Variants in SDK1 observed in about 807,000 individuals in gnomAD.
SDK1 encodes the protein protein sidekick-1.
In SDK1, 157 loss-of-function variants were observed where a neutral mutation model predicts 245.5. The ratio of observed to expected loss-of-function variants is 0.64; its 90% CI spans 0.56 to 0.73. The LOEUF is 0.73. Ranked by LOEUF, SDK1 falls within the 30% of genes least tolerant of loss-of-function variation. The pLI, the probability that SDK1 is intolerant of heterozygous loss-of-function variation, is 0.00. For missense variants in SDK1, 3,583 were observed against 3,002.3 expected (o/e 1.19, Z -4.52); for synonymous variants, 1,647 against 1,278.5 (o/e 1.29, Z -6.15).
At chr7:3,585,736 C>A (rs781644402) in intron 1 of SDK1, among the ~76,000 whole-genome samples, 114 of 152,236 alleles carry the variant, frequency 7.5e-4, no homozygotes, top group Non-Finnish European at 1.4e-3. Flanking sequence ...GACAGTACAT[C>A]AGGATTGAGC....
Position 3,401,375 on chromosome 7 carries a change from A to T in SDK1, c.298+99491A>T, listed in dbSNP as rs893807403. The stretch of plus-strand genomic sequence containing the variant: ...TTCCTGTTTACTGTGTGACAAGAGC[A>T]TTATGGGGCCTTGAAAATGGCAGTG... On this transcript the variant is annotated intron_variant, in intron 1 of 44. Transcript: ENST00000404826. 1.6e-4 allele frequency among the ~76,000 whole-genome samples: 24 copies of T among 152,224 alleles called. 1 individual carries two copies. The highest frequency in any genetic ancestry group is 5.5e-4 in the African/African-American group (23 of 41,466).
Position 3,635,279 on chromosome 7 carries a change from C to G in SDK1, c.459-3725C>G, listed in dbSNP as rs1398894875. On this transcript the variant is annotated intron_variant, in intron 2 of 44. Transcript: ENST00000404826. ...ATTAAAACTCAACAATATTTTTTCTCTTTATAAAAGATTTTATTAATCCTT... is the reference window on the plus strand; with the variant it reads ...ATTAAAACTCAACAATATTTTTTCTGTTTATAAAAGATTTTATTAATCCTT... Among the ~76,000 whole-genome samples the G allele has an allele frequency of 3.3e-5, 5 of 152,108 alleles. No homozygotes were observed. In the East Asian group the frequency reaches 7.7e-4, roughly 23 times the overall value.
chr7:3,827,263 G>C (rs1779798960), intron 5 of SDK1, among the ~76,000 whole-genome samples: 1 of 152,134 alleles, frequency 6.6e-6, no homozygotes, highest in Non-Finnish European at 1.5e-5. Context: ...GCGTAGGCAG[G>C]CATGTAAAAT....
intron 2 of SDK1, among the ~76,000 whole-genome samples, chr7:3,624,043 A>G (rs763897962): frequency 1.3e-5 from 2 of 152,212 alleles, no homozygotes; most frequent in Non-Finnish European, 2.9e-5. Context: ...AAGTTTTATA[A>G]GAAATGAGTA....
intron 12 of SDK1, 108 bp downstream of exon 12, chr7:3,971,676 C>T (rs1423796824): frequency 1.1e-5 from 9 of 810,444 alleles, no homozygotes; most frequent in Non-Finnish European, 1.9e-5. Context: ...ATTTCAGCAG[C>T]AGGTCCCTGA....
intron 36 of SDK1, among the ~76,000 whole-genome samples, chr7:4,207,735 CAACA>C (rs1784304993): frequency 1.3e-5 from 2 of 152,058 alleles, no homozygotes; most frequent in East Asian, 3.9e-4. Flanking sequence ...ATCAAAACAC[CAACA>C]GAGCTAGGTC....
At chr7:4,198,551 A>G (rs574009340) in intron 35 of SDK1, among the ~76,000 whole-genome samples, 3 of 152,256 alleles carry the variant, frequency 2.0e-5, no homozygotes, top group African/African-American at 7.2e-5. Flanking sequence ...TTTTATTGGA[A>G]CACCGCCACA....
chr7:4,092,947 C>T (rs754278736), intron 22 of SDK1, among the ~76,000 whole-genome samples: 4 of 152,202 alleles, frequency 2.6e-5, no homozygotes, highest in African/African-American at 9.6e-5. Flanking sequence ...TCAATTGTAT[C>T]TTCTTTGCAG....
At chr7:3,479,064 A>T (rs1215778316) in intron 1 of SDK1, among the ~76,000 whole-genome samples, 1 of 152,108 alleles carries the variant, frequency 6.6e-6, no homozygotes, top group Admixed American at 6.5e-5. Context: ...ACTTGTTGAG[A>T]CTGACTTCAT....
At chr7:3,617,748 A>G (rs1407107325) in intron 1 of SDK1, among the ~76,000 whole-genome samples, 2 of 152,156 alleles carry the variant, frequency 1.3e-5, no homozygotes, top group African/African-American at 4.8e-5. Flanking sequence ...ACTCCCTCCC[A>G]CAGTATCAGC....
intron 17 of SDK1, among the ~76,000 whole-genome samples, chr7:4,028,989 G>GCCAT (rs910578676): frequency 6.6e-5 from 10 of 152,004 alleles, no homozygotes; most frequent in African/African-American, 2.4e-4. Context: ...TTCCCAGGAA[G>GCCAT]CCATCACCAG....
rs554212816 is a variant in SDK1, at chr7:3,339,960, G to T, written c.298+38076G>T. ...AATGAAATTTAGCAAGACTGACACA[G>T]ATAAAAAGGAATAAGACCCAAATCA... On this transcript the variant is annotated intron_variant, in intron 1 of 44. Coordinates refer to ENST00000404826, the MANE Select transcript of SDK1 (RefSeq NM_152744.4). Among the ~76,000 whole-genome samples the T allele has an allele frequency of 3.9e-5, 6 of 152,110 alleles. 1 individual carries two copies. Among genetic ancestry groups the T allele is most frequent in the Admixed American group, 3.9e-4 (6 of 15,284 alleles).
intron 8 of SDK1, 79 bp downstream of exon 8, chr7:3,959,093 A>G (rs1781477296): frequency 1.8e-6 from 2 of 1,096,186 alleles, no homozygotes; most frequent in Admixed American, 1.7e-5. Context: ...CAGAATTGCC[A>G]TCATTCTAGG....
chr7:3,543,064 G>C (rs1779102395), intron 1 of SDK1, among the ~76,000 whole-genome samples: 1 of 152,142 alleles, frequency 6.6e-6, no homozygotes, highest in Non-Finnish European at 1.5e-5. Context: ...GACAAGCTTA[G>C]GCATAATTCC....
intron 34 of SDK1, among the ~76,000 whole-genome samples, chr7:4,176,650 T>C (rs1322212654): frequency 2.6e-5 from 4 of 152,228 alleles, no homozygotes; most frequent in Admixed American, 6.5e-5. Context: ...TAATTCGTTA[T>C]ACCCCTCCCC....
intron 35 of SDK1, among the ~76,000 whole-genome samples, chr7:4,202,663 A>G (rs937816834): frequency 2.0e-5 from 3 of 152,214 alleles, no homozygotes; most frequent in Admixed American, 6.5e-5. Flanking sequence ...AATGAGCATC[A>G]TTCTCCCTGC....
chr7:3,916,816 T>G (rs1236530561), intron 5 of SDK1, among the ~76,000 whole-genome samples: 2 of 152,350 alleles, frequency 1.3e-5, no homozygotes, highest in South Asian at 4.1e-4. Context: ...AATTGTAGAT[T>G]ATTAATTGAT....
At chr7:3,321,719 TC>T (rs1219714599) in intron 1 of SDK1, among the ~76,000 whole-genome samples, 360 of 19,784 alleles carry the variant, frequency 0.018, 6 homozygotes, top group Non-Finnish European at 0.024. Context: ...CCCCTCCCTC[TC>T]CCCTCTCCCT....
At chr7:3,417,026 T>A (rs529645584) in intron 1 of SDK1, among the ~76,000 whole-genome samples, 1 of 152,002 alleles carries the variant, frequency 6.6e-6, no homozygotes, top group African/African-American at 2.4e-5. Context: ...ATACAAAAAT[T>A]AGCTGGGCAT....
Sources: allele counts gnomAD v4.1 joint callset (sites outside exome capture counted in the v4.1 genomes callset), GRCh38; gene constraint gnomAD v4.1.1; transcripts MANE v1.5; gene names NCBI Gene and HGNC (gene_info 2026-07-23, HGNC 2026-07-21).